Variants in HNRNPUL2 observed in about 807,000 individuals in gnomAD.
The protein encoded by HNRNPUL2 is heterogeneous nuclear ribonucleoprotein U-like protein 2.
Under a neutral mutation model 102.2 loss-of-function variants are expected in HNRNPUL2, and 27 were observed. The observed-to-expected ratio is 0.26, with a 90% CI of 0.19 to 0.36. HNRNPUL2 has a LOEUF of 0.36. HNRNPUL2 is among the 10% of genes least tolerant of loss of function. The pLI is 1.00. For missense variants in HNRNPUL2, 936 were observed against 981.1 expected (o/e 0.95, Z 0.61); for synonymous variants, 458 against 387.2 (o/e 1.18, Z -2.15).
In HNRNPUL2 at chr11:62,721,412, G is replaced by C. The variant is rs372573509; in HGVS notation, c.1494C>G (p.Leu498=). The change falls in exon 9 of 14, where the codon CTC becomes CTG. Residue 498 remains leucine, a synonymous_variant. Transcript: ENST00000301785. ...TTTTGGGGTCCATCTCTGGCTCCTCGAGACCCTTCATCTGATTAGTTTGAG... is the reference window on the plus strand; with the variant it reads ...TTTTGGGGTCCATCTCTGGCTCCTCCAGACCCTTCATCTGATTAGTTTGAG... ...TVLNQMRMKG[L]EEPEMDPKSR... 5 of 1,590,676 alleles carry C rather than the reference G, an allele frequency of 3.1e-6. No individual in the cohort carries two copies. The African/African-American group carries it at 6.9e-5, about 22-fold the overall frequency.
Position 62,727,027 on chromosome 11 carries a change from C to A in HNRNPUL2, c.130G>T (p.Asp44Tyr), listed in dbSNP as rs1196905811. 3 of 1,405,498 alleles carry A rather than the reference C, an allele frequency of 2.1e-6. No homozygotes were observed. The highest frequency in any genetic ancestry group is 2.7e-5 in the Admixed American group (1 of 37,110). 87.1% of individuals were successfully genotyped at this position (1,405,498 alleles called of 1,614,324 possible). Residue 44 changes from aspartate to tyrosine, a missense_variant, in exon 1 of 14, where the codon GAC (aspartate) becomes TAC (tyrosine). Asp to Tyr is a radical substitution (Grantham distance 160, BLOSUM62 -3). Coordinates refer to ENST00000301785, the MANE Select transcript of HNRNPUL2 (RefSeq NM_001079559.3). ...QEALDAEMLE[D>Y]EAGGGGAGPG... Reference sequence around the variant, plus strand: ...CCGGCCCCGCCGCCGCCGGCCTCGTCCTCGAGCATCTCGGCGTCCAGCGCC... The same window carrying A: ...CCGGCCCCGCCGCCGCCGGCCTCGTACTCGAGCATCTCGGCGTCCAGCGCC...
Position 62,720,063 on chromosome 11 carries a change from C to T in HNRNPUL2, c.1740G>A (p.Glu580=). 1 of 1,614,186 alleles carries T rather than the reference C, an allele frequency of 6.2e-7. No homozygotes were observed. The highest frequency in any genetic ancestry group is 8.5e-7 in the Non-Finnish European group (1 of 1,180,028). The change falls in exon 10 of 14, where the codon GAG becomes GAA. Residue 580 remains glutamate (E), a synonymous_variant. Coordinates refer to ENST00000301785, the MANE Select transcript of HNRNPUL2 (RefSeq NM_001079559.3). ...KKRLELRKEV[E]GDDVPESIML... is the part of the protein sequence containing the mutation. ...TTATAGATTCAGGCACATCATCTCCCTCTACTTCCTTCCTCAACTCCAGCC... is the reference window on the plus strand; with the variant it reads ...TTATAGATTCAGGCACATCATCTCCTTCTACTTCCTTCCTCAACTCCAGCC...
chr11:62,725,763 T>C (rs1029471684), intron 1 of HNRNPUL2, among the ~76,000 whole-genome samples: 1 of 152,112 alleles, frequency 6.6e-6, no homozygotes, highest in African/African-American at 2.4e-5. Context: ...ATCCAATCAC[T>C]TCAAAAGAAA....
At chr11:62,719,761 T>C (rs1042349899) in intron 10 of HNRNPUL2, among the ~76,000 whole-genome samples, 2 of 152,204 alleles carry the variant, frequency 1.3e-5, no homozygotes, top group Admixed American at 6.5e-5. Context: ...GATTTGGTCA[T>C]GAGGATTCCA....
chr11:62,718,608 G>A (rs986155433), intron 10 of HNRNPUL2, among the ~76,000 whole-genome samples: 3 of 148,858 alleles, frequency 2.0e-5, no homozygotes, highest in East Asian at 2.0e-4. Context: ...CAGGAGAATC[G>A]CTTGAACCCG....
chr11:62,726,232 AG>A (rs1235249358), intron 1 of HNRNPUL2, among the ~76,000 whole-genome samples: 1 of 152,176 alleles, frequency 6.6e-6, no homozygotes, highest in Non-Finnish European at 1.5e-5. Flanking sequence ...TAGGTCAGGT[AG>A]CCCAAAGACC....
chr11:62,715,214 T>G lies in HNRNPUL2; in HGVS notation c.*85A>C. ...AGCTCAGCCCCACCCCGACAGCCCC[T>G]GTTTTCCTTGGTTGTGTTTTGCGGG... On this transcript the variant is annotated 3_prime_UTR_variant, in exon 14 of 14. Transcript: ENST00000301785. 5.9e-6 allele frequency: 2 copies of G among 341,520 alleles called. No homozygotes were observed. The highest frequency in any genetic ancestry group is 9.3e-6 in the Non-Finnish European group (2 of 215,936). 21.2% of individuals were successfully genotyped at this position (341,520 alleles called of 1,614,324 possible). A position where few individuals can be genotyped will look rare whatever the true frequency, so the allele number is the denominator to read the frequency against.
At position 62,720,091 on chromosome 11, in the gene HNRNPUL2, T is replaced by C. The variant is rs2083688859; in HGVS notation, c.1712A>G (p.Lys571Arg). 6.2e-7 allele frequency: 1 copy of C among 1,614,092 alleles called. No homozygotes were observed. The highest frequency in any genetic ancestry group is 1.7e-5 in the Admixed American group (1 of 60,010). The change falls in exon 10 of 14, where the codon AAG becomes AGG. Residue 571 changes from lysine to arginine, a missense_variant. Transcript: ENST00000301785. ...TACTTCCTTCCTCAACTCCAGCCTC[T>C]TCTTCCAATCTTCCTCATTAGGGAC... The part of the protein sequence containing the change: ...VVVPNEEDWK[K>R]RLELRKEVEG...
Position 62,721,838 on chromosome 11 carries a change from A to G in HNRNPUL2, c.1464T>C (p.Thr488=), listed in dbSNP as rs1426365104. ...EKRYNVLGAE[T]VLNQMRMKGL... ...AACTTACCCTCATTTGATTGAGCAC[A>G]GTCTCAGCTCCCAGGACATTGTATC... Residue 488 remains threonine (T), a synonymous_variant, in exon 8 of 14, where the codon ACT becomes ACC. Coordinates refer to ENST00000301785, the MANE Select transcript of HNRNPUL2 (RefSeq NM_001079559.3). 1.2e-6 allele frequency: 2 copies of G among 1,614,224 alleles called. No individual in the cohort carries two copies.
intron 10 of HNRNPUL2, among the ~76,000 whole-genome samples, chr11:62,718,527 C>T (rs1030327100): frequency 1.3e-5 from 2 of 151,732 alleles, no homozygotes; most frequent in Non-Finnish European, 1.5e-5. Context: ...ATGGCGAAAC[C>T]CTGTCTCTAC....
Position 62,715,933 on chromosome 11 carries a change from GC to G in HNRNPUL2, c.1985del (p.Gly662AlafsTer97). The G allele has an allele frequency of 6.3e-7, 1 of 1,599,356 alleles. No individual in the cohort carries two copies. The highest frequency in any genetic ancestry group is 8.5e-7 in the Non-Finnish European group (1 of 1,171,892). ...GGTTGTCGTAGCCTCGGCGCTGCCC[GC>G]CCACTGGAAGAGAAATGGAGAGCGC... Reference protein sequence around the residue: ...QNRSRGQGYVGGQRRGYDNRA... With the variant: ...QNRSRGQGYVXGQRRGYDNRA... On this transcript the variant is annotated frameshift_variant, in exon 12 of 14. Transcript: ENST00000301785. LOFTEE classifies it high-confidence loss of function.
chr11:62,725,557 A>C (rs943639932), intron 1 of HNRNPUL2, among the ~76,000 whole-genome samples: 3 of 152,218 alleles, frequency 2.0e-5, no homozygotes, highest in African/African-American at 7.2e-5. Flanking sequence ...AAGGTTATGT[A>C]ATGGGATTTT....
intron 11 of HNRNPUL2, 93 bp from the exon 12 acceptor site, chr11:62,716,030 T>C: frequency 1.1e-6 from 1 of 937,136 alleles, no homozygotes; most frequent in Non-Finnish European, 1.6e-6. Flanking sequence ...CCAAAGGCAA[T>C]TCTGGGGGAA....
chr11:62,714,077 T>C lies in HNRNPUL2; in HGVS notation c.*1222A>G, dbSNP rs1424660185. Reference sequence around the variant, plus strand: ...GGGGTGCTCCCTTTCACACGCACATTTACACACGTTCACACTCACACTCTT... The same window carrying C: ...GGGGTGCTCCCTTTCACACGCACATCTACACACGTTCACACTCACACTCTT... On this transcript the variant is annotated 3_prime_UTR_variant, in exon 14 of 14. Transcript: ENST00000301785. 6.6e-6 allele frequency: 1 copy of C among 151,954 alleles called. No individual in the cohort carries two copies. Among genetic ancestry groups the C allele is most frequent in the Non-Finnish European group, 1.5e-5 (1 of 68,014 alleles). 9.4% of individuals were successfully genotyped at this position (151,954 alleles called of 1,614,324 possible).
chr11:62,724,968 G>A (rs2083733419), intron 1 of HNRNPUL2, among the ~76,000 whole-genome samples: 2 of 152,138 alleles, frequency 1.3e-5, no homozygotes, highest in Admixed American at 1.3e-4. Context: ...ATACACAGCT[G>A]TATTTTTATC....
chr11:62,716,366 A>C (rs2083660438), intron 11 of HNRNPUL2, among the ~76,000 whole-genome samples: 1 of 152,220 alleles, frequency 6.6e-6, no homozygotes. Context: ...AACTGTCAGC[A>C]TTTACAGTAC....
intron 10 of HNRNPUL2, among the ~76,000 whole-genome samples, chr11:62,717,876 C>T (rs1372474614): frequency 6.6e-6 from 1 of 152,224 alleles, no homozygotes; most frequent in East Asian, 1.9e-4. Flanking sequence ...CAAGGGCTCT[C>T]ATTTACCACC....
rs201613956 is a variant in HNRNPUL2 at position 62,726,713 on chromosome 11, G to A, written c.444C>T (p.Gly148=). Residue 148 remains glycine (G), a synonymous_variant, in exon 1 of 14, where the codon GGC becomes GGT. Coordinates refer to ENST00000301785, the MANE Select transcript of HNRNPUL2 (RefSeq NM_001079559.3). The part of the protein sequence containing the change: ...SGGVNGGEEQ[G]LGKREEDEPE... ...GTTCGTCTTCCTCCCTCTTGCCGAG[G>A]CCCTGCTCTTCGCCACCATTTACCC... 4.4e-6 allele frequency: 7 copies of A among 1,600,704 alleles called. No homozygotes were observed. The highest frequency in any genetic ancestry group is 1.3e-5 in the African/African-American group (1 of 75,010).
At chr11:62,721,745 G>A (rs1179777594) in intron 8 of HNRNPUL2, 75 bp downstream of exon 8, 16 of 1,497,696 alleles carry the variant, frequency 1.1e-5, no homozygotes, top group Non-Finnish European at 1.3e-5. Context: ...AGACACTTGA[G>A]ACTAATTCTC....
Sources: gnomAD v4.1 joint callset for allele counts (sites outside exome capture counted in the v4.1 genomes callset) on GRCh38, gnomAD v4.1.1 for gene constraint, MANE v1.5 for transcripts, NCBI Gene and HGNC (gene_info 2026-07-23, HGNC 2026-07-21) for gene names.